ANO10: variants seen among roughly 807,000 people sequenced by gnomAD.
ANO10 encodes anoctamin 10.
Under a neutral mutation model 74.7 loss-of-function variants are expected in ANO10, and 77 were observed. The observed-to-expected ratio is 1.03, with a 90% CI of 0.86 to 1.25. The LOEUF (loss-of-function observed/expected upper bound fraction) is 1.25. Ranked by LOEUF, ANO10 falls within the 50% of genes most tolerant of loss-of-function variation. The probability of loss-of-function intolerance (pLI) is 0.00; values close to 1 mark genes in which losing one functional copy is unlikely to be tolerated. For missense variants in ANO10, 721 were observed against 778.1 expected (o/e 0.93, Z 0.87); for synonymous variants, 279 against 284.9 (o/e 0.98, Z 0.21).
At chr3:43,511,054 A>G (rs1055230785) in intron 11 of ANO10, among the ~76,000 whole-genome samples, 5 of 152,236 alleles carry the variant, frequency 3.3e-5, no homozygotes, top group Non-Finnish European at 7.3e-5. Context: ...AATGTGTCCA[A>G]TTAGTGAATT....
intron 4 of ANO10, among the ~76,000 whole-genome samples, chr3:43,596,716 G>T (rs1336641927): frequency 6.6e-6 from 1 of 152,152 alleles, no homozygotes; most frequent in Non-Finnish European, 1.5e-5. Flanking sequence ...AGGACTTCCT[G>T]TCTAAAACAC....
chr3:43,543,254 A>G (rs924666552), intron 11 of ANO10, among the ~76,000 whole-genome samples: 38 of 152,324 alleles, frequency 2.5e-4, no homozygotes, highest in African/African-American at 9.1e-4. Flanking sequence ...TATCTGTATA[A>G]TGCTTGCAAC....
At position 43,586,582 on chromosome 3, in the gene ANO10, C is replaced by T. The variant is rs139952062; in HGVS notation, c.473-6110G>A. 3.3e-5 allele frequency among the ~76,000 whole-genome samples: 5 copies of T among 151,938 alleles called. No homozygotes were observed. In the East Asian group the frequency reaches 7.7e-4, roughly 24 times the overall value. On this transcript the variant is annotated intron_variant, in intron 4 of 12. Transcript: ENST00000292246. The stretch of plus-strand genomic sequence containing the variant: ...TAATAATCACAAAGAAAACTGGCAT[C>T]GAGCTATGCAAAAATACTGCCTGGA...
chr3:43,666,858 C>T (rs1489629174), intron 1 of ANO10, among the ~76,000 whole-genome samples: 2 of 152,006 alleles, frequency 1.3e-5, no homozygotes, highest in Non-Finnish European at 2.9e-5. Flanking sequence ...GGCAAATCAT[C>T]ACATTGTACA....
chr3:43,533,182 G>A (rs1333399235), intron 11 of ANO10, among the ~76,000 whole-genome samples: 2 of 152,142 alleles, frequency 1.3e-5, no homozygotes, highest in South Asian at 2.1e-4. Flanking sequence ...GAAAGCTGAC[G>A]GATATGTAAG....
intron 11 of ANO10, among the ~76,000 whole-genome samples, chr3:43,543,649 A>C (rs921453339): frequency 6.6e-6 from 1 of 152,186 alleles, no homozygotes; most frequent in Non-Finnish European, 1.5e-5. Context: ...GGCCTCCCAA[A>C]GTGCTAGGAT....
chr3:43,584,819 G>A (rs371020366), intron 4 of ANO10, among the ~76,000 whole-genome samples: 37 of 152,192 alleles, frequency 2.4e-4, no homozygotes, highest in South Asian at 1.0e-3. Context: ...AACTTTACAC[G>A]CGTGTGTAAA....
At chr3:43,455,123 G>A (rs1017031031) in intron 11 of ANO10, among the ~76,000 whole-genome samples, 12 of 152,096 alleles carry the variant, frequency 7.9e-5, no homozygotes, top group African/African-American at 2.9e-4. Context: ...GCTGGCGGGA[G>A]TTTTCATGTA....
chr3:43,477,378 G>A (rs1351809466), intron 11 of ANO10, among the ~76,000 whole-genome samples: 3 of 152,152 alleles, frequency 2.0e-5, no homozygotes, highest in East Asian at 1.9e-4. Context: ...AACATTTACT[G>A]AGCATCTACC....
chr3:43,372,865 G>T (rs1333939942), intron 12 of ANO10: 31 of 1,534,472 alleles, frequency 2.0e-5, no homozygotes, highest in Non-Finnish European at 2.7e-5. Flanking sequence ...AGCAGCCAGA[G>T]AAATTCTAAT....
chr3:43,502,792 A>C (rs1400096077), intron 11 of ANO10, among the ~76,000 whole-genome samples: 1 of 152,236 alleles, frequency 6.6e-6, no homozygotes, highest in Non-Finnish European at 1.5e-5. Flanking sequence ...TACAGCATGG[A>C]TAAACCCTGA....
At chr3:43,393,753 G>A (rs1461634922) in intron 12 of ANO10, among the ~76,000 whole-genome samples, 3 of 152,080 alleles carry the variant, frequency 2.0e-5, no homozygotes, top group Non-Finnish European at 4.4e-5. Flanking sequence ...AAAAGGTGAT[G>A]TTGGGAAGCA....
chr3:43,479,752 T>C lies in ANO10; in HGVS notation c.1798-47025A>G, dbSNP rs963983895. Reference sequence around the variant, plus strand: ...ATCACCATAAAATGATAGCCCACAGTGCCTGGGCCTTGGAGAACCCCAGGA... The same window carrying C: ...ATCACCATAAAATGATAGCCCACAGCGCCTGGGCCTTGGAGAACCCCAGGA... On this transcript the variant is annotated intron_variant, in intron 11 of 12. Coordinates refer to ENST00000292246, the MANE Select transcript of ANO10 (RefSeq NM_018075.5). 3.9e-4 allele frequency among the ~76,000 whole-genome samples: 60 copies of C among 152,286 alleles called. 1 individual carries two copies. The highest frequency in any genetic ancestry group is 3.4e-3 in the Middle Eastern group (1 of 294).
chr3:43,466,662 A>G (rs1225693138), intron 11 of ANO10, among the ~76,000 whole-genome samples: 1 of 152,172 alleles, frequency 6.6e-6, no homozygotes, highest in Non-Finnish European at 1.5e-5. Flanking sequence ...AAACTGTAAA[A>G]CTCATTGAAG....
intron 1 of ANO10, among the ~76,000 whole-genome samples, chr3:43,667,836 C>T (rs886292149): frequency 2.0e-5 from 3 of 152,134 alleles, no homozygotes; most frequent in African/African-American, 7.2e-5. Flanking sequence ...TCTTTATCCG[C>T]TCATGGGTTG....
chr3:43,510,540 G>A (rs965318410), intron 11 of ANO10, among the ~76,000 whole-genome samples: 15 of 151,902 alleles, frequency 9.9e-5, no homozygotes. Flanking sequence ...TATACTGGTT[G>A]TGACACAGCT....
chr3:43,417,218 A>G (rs1438273541), intron 12 of ANO10, among the ~76,000 whole-genome samples: 1 of 152,240 alleles, frequency 6.6e-6, no homozygotes, highest in African/African-American at 2.4e-5. Context: ...TGAATGCCAG[A>G]AGGAAAGAAC....
At chr3:43,386,024 AC>A (rs368485165) in intron 12 of ANO10, among the ~76,000 whole-genome samples, 2,809 of 152,284 alleles carry the variant, frequency 0.018, 38 homozygotes, top group African/African-American at 0.04. Context: ...CTAGGAAGAC[AC>A]CCTTCTCCCC....
chr3:43,683,315 T>G (rs149470305), intron 1 of ANO10, among the ~76,000 whole-genome samples: 1 of 152,064 alleles, frequency 6.6e-6, no homozygotes, highest in African/African-American at 2.4e-5. Context: ...AAATCATGAG[T>G]GAATTACCAT....
Sources: gnomAD v4.1 joint callset for allele counts (sites outside exome capture counted in the v4.1 genomes callset) on GRCh38, gnomAD v4.1.1 for gene constraint, MANE v1.5 for transcripts, NCBI Gene and HGNC (gene_info 2026-07-23, HGNC 2026-07-21) for gene names.